Variants in COPB1 observed in about 807,000 individuals in gnomAD.
COPB1 encodes the protein coatomer subunit beta.
In COPB1, 21 loss-of-function variants were observed where a neutral mutation model predicts 108.7. The ratio of observed to expected loss-of-function variants is 0.19; its 90% CI spans 0.14 to 0.28. The LOEUF is 0.28. Ranked by LOEUF, COPB1 falls within the 10% of genes least tolerant of loss-of-function variation. The pLI, the probability that COPB1 is intolerant of heterozygous loss-of-function variation, is 1.00. For missense variants in COPB1, 919 were observed against 1,141.3 expected (o/e 0.81, Z 2.81); for synonymous variants, 378 against 386.8 (o/e 0.98, Z 0.27).
chr11:14,472,977 CTTCT>C (rs1850439992), intron 14 of COPB1, among the ~76,000 whole-genome samples: 1 of 152,038 alleles, frequency 6.6e-6, no homozygotes, highest in Non-Finnish European at 1.5e-5. Flanking sequence ...TTTCTTTCTT[CTTCT>C]TTTTTTTCCT....
intron 11 of COPB1, 34 bp downstream of exon 11, chr11:14,479,535 C>A: frequency 6.4e-7 from 1 of 1,572,346 alleles, no homozygotes; most frequent in Non-Finnish European, 8.6e-7. Context: ...AAAATGCTTA[C>A]TTGACCTTAC....
chr11:14,491,243 T>C (rs1850895278), intron 4 of COPB1, among the ~76,000 whole-genome samples: 1 of 152,040 alleles, frequency 6.6e-6, no homozygotes, highest in African/African-American at 2.4e-5. Context: ...AGACAGCATT[T>C]TGCCACGTTG....
At chr11:14,487,926 T>A (rs541382392) in intron 6 of COPB1, among the ~76,000 whole-genome samples, 2 of 152,326 alleles carry the variant, frequency 1.3e-5, no homozygotes, top group East Asian at 3.9e-4. Context: ...GATCTTCTTG[T>A]ACCTTTTATC....
intron 4 of COPB1, among the ~76,000 whole-genome samples, chr11:14,491,997 T>G (rs1477719551): frequency 6.6e-6 from 1 of 152,192 alleles, no homozygotes; most frequent in East Asian, 1.9e-4. Context: ...ATCACCTTGC[T>G]TCAACAATTA....
At position 14,490,657 on chromosome 11, in the gene COPB1, C is replaced by T; in HGVS notation, c.514G>A (p.Asp172Asn). The T allele has an allele frequency of 6.2e-7, 1 of 1,610,758 alleles. No individual in the cohort carries two copies. The highest frequency in any genetic ancestry group is 8.5e-7 in the Non-Finnish European group (1 of 1,178,404). Residue 172 changes from aspartate (D) to asparagine (N), a missense_variant, in exon 5 of 22, where the codon GAT (aspartate) becomes AAT (asparagine). This residue lies in a region of COPB1 where 78 missense variants were observed against 95.4 expected (regional missense o/e 0.82). Transcript: ENST00000439561. Reference sequence around the variant, plus strand: ...AAATCATGTATCAGTTCAGGAGCATCAGGTATAAGATGTTCAAAATTTCTT... The same window carrying T: ...AAATCATGTATCAGTTCAGGAGCATTAGGTATAAGATGTTCAAAATTTCTT... ...IYRNFEHLIP[D>N]APELIHDFLV... is the part of the protein sequence containing the mutation.
chr11:14,490,562 C>T lies in COPB1; in HGVS notation c.606+3G>A, dbSNP rs955875256. 5.7e-6 allele frequency: 9 copies of T among 1,566,654 alleles called. No homozygotes were observed. Among genetic ancestry groups the T allele is most frequent in the Non-Finnish European group, 7.9e-6 (9 of 1,140,562 alleles). Reference sequence around the variant, plus strand: ...TAAGAGTATTTTTTAAAAAGTACCTCACCTGATCTGCATGAATTAGCATCA... The same window carrying T: ...TAAGAGTATTTTTTAAAAAGTACCTTACCTGATCTGCATGAATTAGCATCA... On this transcript the variant is annotated splice_donor_region_variant and intron_variant, in intron 5 of 21. Coordinates refer to ENST00000439561, the MANE Select transcript of COPB1 (RefSeq NM_001144061.2).
chr11:14,494,138 AAC>A, intron 3 of COPB1, 70 bp downstream of exon 3: 3 of 1,046,282 alleles, frequency 2.9e-6, no homozygotes, highest in Non-Finnish European at 4.2e-6. Flanking sequence ...TAACAATTAA[AAC>A]ACAGCCCATT....
intron 7 of COPB1, among the ~76,000 whole-genome samples, chr11:14,483,401 G>T (rs1850705542): frequency 6.6e-6 from 1 of 151,778 alleles, no homozygotes; most frequent in South Asian, 2.1e-4. Flanking sequence ...CAAATTAAAA[G>T]GATGAAAAAA....
At position 14,480,865 on chromosome 11, in the gene COPB1, T is replaced by A. The variant is rs763359412; in HGVS notation, c.1106A>T (p.Asn369Ile). 3 of 1,613,914 alleles carry A rather than the reference T, an allele frequency of 1.9e-6. No individual in the cohort carries two copies. Among genetic ancestry groups the A allele is most frequent in the South Asian group, 2.2e-5 (2 of 91,080 alleles). Residue 369 changes from asparagine (N) to isoleucine (I), a missense_variant, in exon 10 of 22, where the codon AAT (asparagine) becomes ATT (isoleucine). Asn to Ile is a moderately radical substitution (Grantham distance 149, BLOSUM62 -3). Coordinates refer to ENST00000439561, the MANE Select transcript of COPB1 (RefSeq NM_001144061.2). Reference protein sequence around the residue: ...VLKKEVIKTNNVSEHEDTDKY... With the variant: ...VLKKEVIKTNIVSEHEDTDKY... ...GTCAGTATCTTCATGCTCAGACACA[T>A]TATTTGTTTTTATCACTTCCTTCTT...
Position 14,457,751 on chromosome 11 carries a change from T to C in COPB1, c.*73A>G. 3.2e-6 allele frequency: 3 copies of C among 924,006 alleles called. No individual in the cohort carries two copies. The highest frequency in any genetic ancestry group is 5.4e-6 in the Non-Finnish European group (3 of 560,206). The allele number at this position is 924,006 out of a possible 1,614,324, so 57.2% of individuals were successfully genotyped here. On this transcript the variant is annotated 3_prime_UTR_variant, in exon 22 of 22. Transcript: ENST00000439561. ...CAGATTCTATATAAGCATGAAAGAGTACAAAAGATGTTGGAGTCCAGTAAG... is the reference window on the plus strand; with the variant it reads ...CAGATTCTATATAAGCATGAAAGAGCACAAAAGATGTTGGAGTCCAGTAAG...
chr11:14,475,732 A>C, intron 13 of COPB1, 53 bp downstream of exon 13: 5 of 1,429,042 alleles, frequency 3.5e-6, no homozygotes, highest in Non-Finnish European at 4.6e-6. Context: ...TCTTACATAC[A>C]AGAGTAATAA....
In COPB1 at chr11:14,477,382, T is replaced by G. The variant is rs1302124156; in HGVS notation, c.1359-367A>C. On this transcript the variant is annotated intron_variant, in intron 11 of 21. Transcript: ENST00000439561. ...TCCAGGCTGGGTGACAGAGCGAGAC[T>G]CCGTCTCAAAAAAAAAAAAAAAACA... Among the ~76,000 whole-genome samples the G allele has an allele frequency of 3.0e-4, 4 of 13,436 alleles. No homozygotes were observed. In the South Asian group the frequency reaches 7.8e-3, roughly 26 times the overall value. 8.8% of individuals were successfully genotyped at this position (13,436 alleles called of 152,430 possible).
At chr11:14,485,615 G>A (rs1328945032) in intron 7 of COPB1, among the ~76,000 whole-genome samples, 2 of 152,200 alleles carry the variant, frequency 1.3e-5, no homozygotes, top group Non-Finnish European at 2.9e-5. Context: ...GGGAAGCCGA[G>A]GTTAGCGGAT....
In COPB1 at chr11:14,474,626, A is replaced by G; in HGVS notation, c.1617-11T>C. On this transcript the variant is annotated splice_polypyrimidine_tract_variant and intron_variant, in intron 13 of 21. Coordinates refer to ENST00000439561, the MANE Select transcript of COPB1 (RefSeq NM_001144061.2). ...CCTCTCAAGGGAGGTCTGCAAAGCA[A>G]CCAAGGAAAATCAAACCCACCAACT... 1.2e-6 allele frequency: 2 copies of G among 1,612,608 alleles called. No individual in the cohort carries two copies. The highest frequency in any genetic ancestry group is 1.1e-5 in the South Asian group (1 of 91,014).
intron 14 of COPB1, among the ~76,000 whole-genome samples, chr11:14,470,095 C>G (rs1850367590): frequency 2.0e-5 from 3 of 152,214 alleles, no homozygotes; most frequent in South Asian, 2.1e-4. Context: ...CTTCTATACT[C>G]TGAATTCAAA....
At chr11:14,464,189 G>T (rs537353232) in intron 18 of COPB1, among the ~76,000 whole-genome samples, 1 of 152,092 alleles carries the variant, frequency 6.6e-6, no homozygotes, top group South Asian at 2.1e-4. Context: ...CTGCATCCTT[G>T]TCTATCTGTA....
At position 14,498,845 on chromosome 11, in the gene COPB1, AT is replaced by A. The variant is rs1258568005; in HGVS notation, c.83del (p.Asn28MetfsTer3). On this transcript the variant is annotated frameshift_variant, in exon 2 of 22. Transcript: ENST00000439561. LOFTEE classifies it high-confidence loss of function. ...AATAATATCGAAGTTTACCTAGATCATTTTTTAAGCTAATTTCAGATGGTGG... is the reference window on the plus strand; with the variant it reads ...AATAATATCGAAGTTTACCTAGATCATTTTTAAGCTAATTTCAGATGGTGG... ...SEPPSEISLK[N>X]DLEKGDVKSK... 5 of 1,599,092 alleles carry A rather than the reference AT, an allele frequency of 3.1e-6. No homozygotes were observed. The highest frequency in any genetic ancestry group is 1.1e-5 in the South Asian group (1 of 86,994).
intron 11 of COPB1, among the ~76,000 whole-genome samples, chr11:14,477,740 C>A (rs1470639553): frequency 4.0e-5 from 6 of 151,470 alleles, no homozygotes. Flanking sequence ...ACTGAAAATA[C>A]AAAAAAAATT....
At chr11:14,486,648 G>A (rs927021065) in intron 6 of COPB1, 144 bp from the exon 7 acceptor site, 2 of 965,340 alleles carry the variant, frequency 2.1e-6, no homozygotes, top group Non-Finnish European at 3.0e-6. Flanking sequence ...GAAAATATCA[G>A]ACAAAATGGG....
Sources: allele counts gnomAD v4.1 joint callset (sites outside exome capture counted in the v4.1 genomes callset), GRCh38; gene constraint gnomAD v4.1.1; regional missense constraint gnomAD v4.1.1; transcripts MANE v1.5; gene names NCBI Gene and HGNC (gene_info 2026-07-23, HGNC 2026-07-21).